STIM1: variants seen among roughly 807,000 people sequenced by gnomAD.
The protein encoded by STIM1 is stromal interaction molecule 1.
A neutral mutation model predicts 74.7 loss-of-function variants in STIM1; 25 were observed. The ratio of observed to expected loss-of-function variants is 0.33; its 90% CI spans 0.24 to 0.47. The LOEUF (loss-of-function observed/expected upper bound fraction) is 0.47, where lower values mean the gene tolerates loss of function less well. Among genes scored for constraint, STIM1 ranks in the 20% least tolerant of loss-of-function variants. The probability of loss-of-function intolerance (pLI) is 1.00; values close to 1 mark genes in which losing one functional copy is unlikely to be tolerated. For synonymous variants in STIM1, 328 were observed against 348.8 expected, an observed-to-expected ratio of 0.94 and a Z score of 0.66; for missense variants, 728 against 920.8, an observed-to-expected ratio of 0.79 and a Z score of 2.71.
intron 9 of STIM1, 52 bp downstream of exon 9, chr11:4,083,034 T>C (rs1350794123): frequency 5.2e-6 from 8 of 1,525,160 alleles, no homozygotes; most frequent in Non-Finnish European, 7.3e-6. Context: ...TCCTCAGAAT[T>C]TGAGGGCATA....
intron 2 of STIM1, among the ~76,000 whole-genome samples, chr11:4,013,846 A>G (rs953520054): frequency 1.3e-5 from 2 of 151,492 alleles, no homozygotes; most frequent in African/African-American, 4.9e-5. Context: ...CTGGGACTAC[A>G]GGCACCCGCC....
chr11:3,920,258 G>A lies in STIM1; in HGVS notation c.140-47294G>A, dbSNP rs146037174. ...TTACAGGCATGAGTCATTGTGCCCCGCCCAATTTGGTGGTTTTCAACAATT... is the reference window on the plus strand; with the variant it reads ...TTACAGGCATGAGTCATTGTGCCCCACCCAATTTGGTGGTTTTCAACAATT... On this transcript the variant is annotated intron_variant, in intron 1 of 12. Coordinates refer to ENST00000526596, the MANE Select transcript of STIM1 (RefSeq NM_001382567.1). Among the ~76,000 whole-genome samples, 621 of 151,938 alleles carry A rather than the reference G, an allele frequency of 4.1e-3. 2 individuals are homozygous for A. The highest frequency in any genetic ancestry group is 0.014 in the African/African-American group (584 of 41,412).
chr11:3,981,180 G>T (rs773518923), intron 2 of STIM1, among the ~76,000 whole-genome samples: 1 of 152,014 alleles, frequency 6.6e-6, no homozygotes, highest in Non-Finnish European at 1.5e-5. Context: ...CATCTGCCTC[G>T]GGCTCCCAAA....
At chr11:4,002,279 T>G (rs531857128) in intron 2 of STIM1, among the ~76,000 whole-genome samples, 67 of 152,008 alleles carry the variant, frequency 4.4e-4, no homozygotes, top group African/African-American at 1.4e-3. Flanking sequence ...ATCAACAGAA[T>G]ATACATTTTT....
intron 3 of STIM1, among the ~76,000 whole-genome samples, chr11:4,032,098 C>A (rs1052075300): frequency 6.6e-6 from 1 of 152,104 alleles, no homozygotes; most frequent in Non-Finnish European, 1.5e-5. Context: ...ACACGTGGTC[C>A]CAATTGTTCT....
At chr11:3,979,699 A>G (rs2923954) in intron 2 of STIM1, among the ~76,000 whole-genome samples, 141,981 of 152,206 alleles carry the variant, frequency 0.93, 66,253 homozygotes, top group African/African-American at 0.97. Context: ...TCAGCCTCCC[A>G]AGTTGCCGGG....
At chr11:3,969,152 G>T (rs1367736446) in intron 2 of STIM1, among the ~76,000 whole-genome samples, 2 of 152,202 alleles carry the variant, frequency 1.3e-5, no homozygotes, top group African/African-American at 4.8e-5. Context: ...TTGGTAGACA[G>T]TGAACTCCCT....
At chr11:3,937,081 A>G (rs1425945150) in intron 1 of STIM1, among the ~76,000 whole-genome samples, 2 of 152,002 alleles carry the variant, frequency 1.3e-5, no homozygotes, top group Admixed American at 6.6e-5. Context: ...CGAGGAGTCC[A>G]GGAGTTGAAG....
rs759035796 is a variant in STIM1 at position 4,086,643 on chromosome 11, C to T, written c.1634+100C>T. 44 of 1,565,066 alleles carry T rather than the reference C, an allele frequency of 2.8e-5. No individual in the cohort carries two copies. The highest frequency in any genetic ancestry group is 2.3e-4 in the South Asian group (20 of 86,516). ...GACAGTCTTTCAGTTCTGAAGGCTA[C>T]GGGACCAGCTCTCCATCTGCCTCTG... On this transcript the variant is annotated intron_variant, in intron 12 of 12. Coordinates refer to ENST00000526596, the MANE Select transcript of STIM1 (RefSeq NM_001382567.1).
intron 2 of STIM1, among the ~76,000 whole-genome samples, chr11:3,983,028 G>A (rs1215631602): frequency 6.6e-6 from 1 of 152,076 alleles, no homozygotes; most frequent in Non-Finnish European, 1.5e-5. Context: ...ATCTCCTAGG[G>A]TCAAGTGATT....
chr11:3,929,917 C>G (rs1178486724), intron 1 of STIM1, among the ~76,000 whole-genome samples: 3 of 152,158 alleles, frequency 2.0e-5, no homozygotes, highest in African/African-American at 7.2e-5. Context: ...AGAGCCTCAG[C>G]TCTTCCCCCA....
At chr11:4,060,710 T>C (rs2094324799) in intron 5 of STIM1, among the ~76,000 whole-genome samples, 1 of 152,204 alleles carries the variant, frequency 6.6e-6, no homozygotes, top group African/African-American at 2.4e-5. Flanking sequence ...ACCAGCATAA[T>C]CGGCAGGGTC....
intron 2 of STIM1, among the ~76,000 whole-genome samples, chr11:4,016,276 G>C (rs2093895713): frequency 6.6e-6 from 1 of 152,192 alleles, no homozygotes; most frequent in African/African-American, 2.4e-5. Flanking sequence ...CTTTCTGTTT[G>C]TTAATTTTCC....
chr11:3,876,650 C>A (rs1034917528), intron 1 of STIM1, among the ~76,000 whole-genome samples: 4 of 152,146 alleles, frequency 2.6e-5, no homozygotes, highest in Non-Finnish European at 5.9e-5. Flanking sequence ...CTCAAGTGAT[C>A]CTCCTGCCTC....
At chr11:3,923,023 C>T (rs919972957) in intron 1 of STIM1, among the ~76,000 whole-genome samples, 42 of 150,238 alleles carry the variant, frequency 2.8e-4, no homozygotes, top group East Asian at 2.0e-4. Context: ...GGTGTGAACC[C>T]GGGAGGCGGA....
At chr11:4,003,009 A>G (rs1463340873) in intron 2 of STIM1, among the ~76,000 whole-genome samples, 1 of 150,644 alleles carries the variant, frequency 6.6e-6, no homozygotes, top group African/African-American at 2.4e-5. Context: ...AAATTCCTGG[A>G]CACATACACT....
intron 2 of STIM1, chr11:3,989,232 T>C: frequency 1.2e-6 from 1 of 864,460 alleles, no homozygotes; most frequent in Admixed American, 1.7e-5. Context: ...CCCTGTTTAC[T>C]GCAGGTAAAT....
intron 2 of STIM1, among the ~76,000 whole-genome samples, chr11:3,971,205 G>A (rs2093389312): frequency 6.7e-6 from 1 of 148,530 alleles, no homozygotes; most frequent in Non-Finnish European, 1.5e-5. Flanking sequence ...GTGAGACCTT[G>A]TCTCTATAAA....
intron 2 of STIM1, among the ~76,000 whole-genome samples, chr11:4,001,656 G>C (rs1217988133): frequency 3.9e-5 from 6 of 152,264 alleles, no homozygotes; most frequent in Non-Finnish European, 5.9e-5. Context: ...AGACCATTGA[G>C]ATTAGGAAGA....
Sources: allele counts gnomAD v4.1 joint callset (sites outside exome capture counted in the v4.1 genomes callset), GRCh38; gene constraint gnomAD v4.1.1; transcripts MANE v1.5; gene names NCBI Gene and HGNC (gene_info 2026-07-23, HGNC 2026-07-21).